TEP1: variants seen among roughly 807,000 people sequenced by gnomAD.
The protein encoded by TEP1 is telomerase associated protein 1, also known as telomerase protein component 1.
Under a neutral mutation model 306.3 loss-of-function variants are expected in TEP1, and 241 were observed. The observed-to-expected ratio is 0.79, with a 90% CI of 0.71 to 0.88. The LOEUF is 0.88. TEP1 is among the 40% of genes least tolerant of loss of function. TEP1 has a pLI of 0.00. For missense variants in TEP1, 3,051 were observed against 3,276.1 expected, an observed-to-expected ratio of 0.93 and a Z score of 1.68; for synonymous variants, 1,289 against 1,305.5, an observed-to-expected ratio of 0.99 and a Z score of 0.27.
chr14:20,400,055 C>CT (rs1200253348), intron 9 of TEP1, among the ~76,000 whole-genome samples: 3 of 145,298 alleles, frequency 2.1e-5, no homozygotes, highest in African/African-American at 7.6e-5. Context: ...ACTCGGGAGA[C>CT]TGAGGCAGGA....
chr14:20,405,538 G>A lies in TEP1; in HGVS notation c.783C>T (p.Asn261=). Residue 261 remains asparagine, a synonymous_variant, in exon 4 of 55, where the codon AAC becomes AAT. Transcript: ENST00000262715. ...LLCSTLVSEV[N]MNNTSDPTLA... The stretch of plus-strand genomic sequence containing the variant: ...GGGTGGGGTCAGATGTATTGTTCAT[G>A]TTTACTTCTGAGACCAGAGTAGAGC... 1 of 1,614,146 alleles carries A rather than the reference G, an allele frequency of 6.2e-7. No homozygotes were observed. Among genetic ancestry groups the A allele is most frequent in the Admixed American group, 1.7e-5 (1 of 60,024 alleles).
At chr14:20,412,916 C>T (rs1012969917) in intron 1 of TEP1, among the ~76,000 whole-genome samples, 3 of 151,992 alleles carry the variant, frequency 2.0e-5, no homozygotes, top group Non-Finnish European at 4.4e-5. Flanking sequence ...ACCTCCGCCT[C>T]CCAAAGTGCT....
intron 9 of TEP1, among the ~76,000 whole-genome samples, chr14:20,396,966 G>A (rs1039319309): frequency 4.9e-4 from 75 of 152,060 alleles, no homozygotes; most frequent in African/African-American, 1.8e-3. Flanking sequence ...AACCAGGCAT[G>A]TGGAAAGTCC....
Position 20,378,480 on chromosome 14 carries a change from A to G in TEP1, c.5408T>C (p.Leu1803Pro). 1 of 1,614,218 alleles carries G rather than the reference A, an allele frequency of 6.2e-7. No individual in the cohort carries two copies. The highest frequency in any genetic ancestry group is 8.5e-7 in the Non-Finnish European group (1 of 1,180,030). ...CTCTGGGTGGAAGGCAACACAGTTC[A>G]GGGACTTGGGGTAGGTGTGCTGGAA... ...LAFQHTYPKS[L>P]NCVAFHPEGQ... is the part of the protein sequence containing the mutation. Residue 1803 changes from leucine (L) to proline (P), a missense_variant, in exon 38 of 55, where the codon CTG becomes CCG. Leu to Pro is a moderately conservative substitution (Grantham distance 98, BLOSUM62 -3). Coordinates refer to ENST00000262715, the MANE Select transcript of TEP1 (RefSeq NM_007110.5).
chr14:20,402,200 C>T (rs111757501), intron 7 of TEP1, among the ~76,000 whole-genome samples: 4,130 of 152,150 alleles, frequency 0.027, 72 homozygotes, highest in Non-Finnish European at 0.04. Context: ...CCCAGCTACT[C>T]GGGAGGCTGA....
intron 9 of TEP1, among the ~76,000 whole-genome samples, chr14:20,399,901 C>T (rs1021052237): frequency 1.3e-5 from 2 of 151,878 alleles, no homozygotes; most frequent in South Asian, 2.1e-4. Context: ...GTGGCTCACA[C>T]CTATAATCCC....
rs773538734 is a variant in TEP1, at chr14:20,368,546, C to G, written c.7775G>C (p.Arg2592Pro). 6.2e-7 allele frequency: 1 copy of G among 1,613,970 alleles called. No homozygotes were observed. The highest frequency in any genetic ancestry group is 2.2e-5 in the East Asian group (1 of 44,892). Residue 2592 changes from arginine to proline, a missense_variant, in exon 55 of 55, where the codon CGA (arginine) becomes CCA (proline). By Grantham distance (103) the Arg-to-Pro change is moderately radical (BLOSUM62 -2). Transcript: ENST00000262715. ...CAGGCAGCTCACTGACCCTTCGCAT[C>G]GGAACAGGCCCAGCTACGATGGGAA... is the stretch of plus-strand genomic sequence containing the variant. ...RPSMQLLGLF[R>P]CEGSVSCLEP...
rs751670132 is a variant in TEP1, at chr14:20,407,954, G to A, written c.486C>T (p.Phe162=). The A allele has an allele frequency of 1.2e-6, 2 of 1,614,212 alleles. No individual in the cohort carries two copies. The highest frequency in any genetic ancestry group is 2.2e-5 in the South Asian group (2 of 91,082). ...AGGTTGAAAGGTCTAGTCCCTTAGA[G>A]AAATGCTGAGCCCTCCAACTTGGAG... The part of the protein sequence containing the change: ...SEPPSWRAQH[F]SKGLDLSTCP... Residue 162 remains phenylalanine (F), a synonymous_variant, in exon 2 of 55, where the codon TTC becomes TTT. Coordinates refer to ENST00000262715, the MANE Select transcript of TEP1 (RefSeq NM_007110.5).
intron 1 of TEP1, among the ~76,000 whole-genome samples, chr14:20,412,135 A>G (rs1173094433): frequency 6.6e-6 from 1 of 152,184 alleles, no homozygotes. Flanking sequence ...AAAAAGGACA[A>G]CAATATCTCA....
intron 54 of TEP1, 32 bp downstream of exon 54, chr14:20,368,766 A>ACG (rs1884630968): frequency 2.1e-6 from 1 of 473,868 alleles, no homozygotes; most frequent in Non-Finnish European, 3.0e-6. Context: ...AGGCGCACGC[A>ACG]CACACACACA....
rs1247602471 is a variant in TEP1, at chr14:20,368,357, A to ATTTATTAT, written c.*79_*80insATAATAAA. On this transcript the variant is annotated 3_prime_UTR_variant, in exon 55 of 55. Coordinates refer to ENST00000262715, the MANE Select transcript of TEP1 (RefSeq NM_007110.5). ...TAATTATCAAGAAATTATTAATTTT[A>ATTTATTAT]TAATTATTAAAAGCTACCAGTGTCT... 1.4e-6 allele frequency: 2 copies of ATTTATTAT among 1,449,920 alleles called. No homozygotes were observed. The highest frequency in any genetic ancestry group is 2.8e-5 in the African/African-American group (2 of 70,186). 89.8% of individuals were successfully genotyped at this position (1,449,920 alleles called of 1,614,324 possible).
In TEP1 at chr14:20,374,453, A is replaced by T. The variant is rs1402944143; in HGVS notation, c.6447T>A (p.Ser2149Arg). ...CCACAGCTGCCACAGCGCTCACAGC[A>T]CTCTGATGACCCAGGAACTGACCAA... Reference protein sequence around the residue: ...QRLGQFLGHQSAVSAVAAVEE... With the variant: ...QRLGQFLGHQRAVSAVAAVEE... The change falls in exon 44 of 55, where the codon AGT (serine) becomes AGA (arginine). Residue 2149 changes from serine (S) to arginine (R), a missense_variant. By Grantham distance (110) the Ser-to-Arg change is moderately radical (BLOSUM62 -1). Transcript: ENST00000262715. 2 of 1,612,946 alleles carry T rather than the reference A, an allele frequency of 1.2e-6. No homozygotes were observed. Among genetic ancestry groups the T allele is most frequent in the South Asian group, 1.1e-5 (1 of 91,012 alleles).
At chr14:20,379,141 T>A in intron 35 of TEP1, 36 bp from the exon 36 acceptor site, 2 of 1,609,160 alleles carry the variant, frequency 1.2e-6, no homozygotes, top group African/African-American at 1.3e-5. Context: ...GCTCAGGCCA[T>A]CCCCTTGACC....
At chr14:20,397,417 G>A (rs1047885513) in intron 9 of TEP1, among the ~76,000 whole-genome samples, 2 of 152,026 alleles carry the variant, frequency 1.3e-5, no homozygotes, top group Non-Finnish European at 2.9e-5. Flanking sequence ...GCTGAGTCAG[G>A]AGAATCGCTT....
Position 20,404,643 on chromosome 14 carries a change from A to G in TEP1, c.1000T>C (p.Ser334Pro), listed in dbSNP as rs1879027224. ...RYFCAIVQLP[S>P]DWIQVAELYQ... ...AGCTCAGCCACCTGGATCCAGTCAG[A>G]AGGCAGCTGGACAATGGCACAGAAA... Residue 334 changes from serine to proline, a missense_variant, in exon 5 of 55, where the codon TCT becomes CCT. Ser to Pro is a moderately conservative substitution (Grantham distance 74). This residue lies in a region of TEP1 where 1,507 missense variants were observed against 1,550.5 expected (regional missense o/e 0.97). Coordinates refer to ENST00000262715, the MANE Select transcript of TEP1 (RefSeq NM_007110.5). 19 of 1,613,960 alleles carry G rather than the reference A, an allele frequency of 1.2e-5. No individual in the cohort carries two copies. The highest frequency in any genetic ancestry group is 1.5e-5 in the Non-Finnish European group (18 of 1,179,982).
At position 20,384,499 on chromosome 14, in the gene TEP1, A is replaced by G; in HGVS notation, c.3231T>C (p.Cys1077=). 1.9e-6 allele frequency: 3 copies of G among 1,613,878 alleles called. No homozygotes were observed. Among genetic ancestry groups the G allele is most frequent in the Non-Finnish European group, 2.5e-6 (3 of 1,179,960 alleles). Residue 1077 remains cysteine, a synonymous_variant, in exon 23 of 55, where the codon TGT becomes TGC. Transcript: ENST00000262715. Reference sequence around the variant, plus strand: ...GGCCAGCTGCCACACCCCCCCACTCACAGGGGTATCTGTGGGCAAATCAAG... The same window carrying G: ...GGCCAGCTGCCACACCCCCCCACTCGCAGGGGTATCTGTGGGCAAATCAAG... ...QKGITCRRYP[C]EWGGVAAGRP...
chr14:20,398,411 A>G (rs1878395549), intron 9 of TEP1, among the ~76,000 whole-genome samples: 1 of 151,888 alleles, frequency 6.6e-6, no homozygotes, highest in East Asian at 1.9e-4. Context: ...TCAATTTTAG[A>G]CAGTTAATTT....
intron 9 of TEP1, among the ~76,000 whole-genome samples, chr14:20,398,378 A>C (rs972181366): frequency 3.4e-5 from 3 of 88,866 alleles, no homozygotes; most frequent in African/African-American, 1.4e-4. Flanking sequence ...ACTCCGCCCA[A>C]AAAAAAAAAA....
Position 20,381,299 on chromosome 14 carries a change from G to T in TEP1, c.4647+14C>A. 6.2e-7 allele frequency: 1 copy of T among 1,613,618 alleles called. No homozygotes were observed. The highest frequency in any genetic ancestry group is 8.5e-7 in the Non-Finnish European group (1 of 1,179,518). On this transcript the variant is annotated intron_variant, in intron 32 of 54. Coordinates refer to ENST00000262715, the MANE Select transcript of TEP1 (RefSeq NM_007110.5). This position sits in a 1 kb window ranked among gnomAD's most constrained non-coding sequence, Gnocchi z 4.0. ...TCACTTTGGGAAAGGTGTCTATGGG[G>T]TCTAGGAACTAACCAGGTGGTAAGG...
Sources: allele counts gnomAD v4.1 joint callset (sites outside exome capture counted in the v4.1 genomes callset), GRCh38; gene constraint gnomAD v4.1.1; regional missense constraint gnomAD v4.1.1; non-coding constraint Gnocchi (gnomAD v3.1); transcripts MANE v1.5; gene names NCBI Gene and HGNC (gene_info 2026-07-23, HGNC 2026-07-21).